The following GLB1 variants were observed in gnomAD, a reference collection of about 807,000 sequenced individuals.
The protein encoded by GLB1 is galactosidase beta 1.
A neutral mutation model predicts 74.0 loss-of-function variants in GLB1; 56 were observed. The ratio of observed to expected loss-of-function variants is 0.76; its 90% CI spans 0.61 to 0.94. The LOEUF (loss-of-function observed/expected upper bound fraction) is 0.94. Ranked by LOEUF, GLB1 falls within the 40% of genes least tolerant of loss-of-function variation. GLB1 has a pLI of 0.00. For missense variants in GLB1, 787 were observed against 845.5 expected, an observed-to-expected ratio of 0.93 and a Z score of 0.86; for synonymous variants, 323 against 323.6, an observed-to-expected ratio of 1.00 and a Z score of 0.02.
At chr3:32,966,742 C>T in the GLB1 span, among the ~76,000 whole-genome samples, 160 of 152,208 alleles carry the variant, frequency 1.1e-3, 2 homozygotes, top group African/African-American at 3.7e-3. Context: ...GGGAGGGACC[C>T]GGTGGGAGGT....
chr3:33,013,930 T>C (rs1047611129), intron 15 of GLB1, 126 bp downstream of exon 15: 5 of 1,531,160 alleles, frequency 3.3e-6, no homozygotes, highest in African/African-American at 2.7e-5. Context: ...TCCTGAAGAA[T>C]GTCCGAAACG....
At chr3:33,007,386 T>C (rs991715245) in intron 15 of GLB1, among the ~76,000 whole-genome samples, 1 of 152,258 alleles carries the variant, frequency 6.6e-6, no homozygotes, top group African/African-American at 2.4e-5. Flanking sequence ...CTCTTTTCCC[T>C]GCTCTAGGCA....
chr3:33,096,404 C>T (rs528169861), intron 1 of GLB1: 5 of 968,770 alleles, frequency 5.2e-6, no homozygotes, highest in East Asian at 2.3e-4. Context: ...CTATTCCCCC[C>T]CTCAACCTGG....
chr3:33,021,418 G>C, intron 12 of GLB1, 148 bp downstream of exon 12: 3 of 891,590 alleles, frequency 3.4e-6, no homozygotes, highest in Non-Finnish European at 5.3e-6. Context: ...GCTAAAGAGA[G>C]CCTGGAAATT....
chr3:33,042,370 C>CTTTTTTCT (rs1553609329), intron 10 of GLB1, among the ~76,000 whole-genome samples: 14 of 99,240 alleles, frequency 1.4e-4, no homozygotes, highest in African/African-American at 4.8e-4. Flanking sequence ...TCATCTCCTC[C>CTTTTTTCT]TTTTTTTTTT....
downstream of GLB1, among the ~76,000 whole-genome samples, chr3:32,994,834 T>C (rs1426371499): frequency 6.7e-6 from 1 of 149,882 alleles, no homozygotes; most frequent in Non-Finnish European, 1.5e-5. Context: ...GGCAGGAGAA[T>C]CGCTTGAACC....
At chr3:33,051,660 A>C in intron 9 of GLB1, 98 bp downstream of exon 9, 2 of 1,567,788 alleles carry the variant, frequency 1.3e-6, no homozygotes, top group Non-Finnish European at 1.7e-6. Context: ...GGATAAACAA[A>C]AAAAGGAAAA....
intron 10 of GLB1, among the ~76,000 whole-genome samples, chr3:33,028,994 A>G (rs956512578): frequency 6.6e-6 from 1 of 151,904 alleles, no homozygotes; most frequent in Non-Finnish European, 1.5e-5. Flanking sequence ...GTAGATCTTG[A>G]TATTCTGATC....
chr3:33,028,662 A>C lies in GLB1; in HGVS notation c.1069-4337T>G, dbSNP rs9858992. ...CCATACTTGCTTATGTCATTTACCC[A>C]AAAATTTTTTTTTTTTTTTTGATAC... On this transcript the variant is annotated intron_variant, in intron 10 of 15. Transcript: ENST00000307363. Among the ~76,000 whole-genome samples, 521 of 146,254 alleles carry C rather than the reference A, an allele frequency of 3.6e-3. 3 individuals carry two copies. The highest frequency in any genetic ancestry group is 0.013 in the African/African-American group (499 of 39,550).
Position 33,078,038 on chromosome 3 carries a change from TTCAAG to T in GLB1, c.76-5330_76-5326del, listed in dbSNP as rs575315853. Among the ~76,000 whole-genome samples, 61 of 152,268 alleles carry T rather than the reference TTCAAG, an allele frequency of 4.0e-4. No individual in the cohort carries two copies. In the Middle Eastern group the frequency reaches 0.01, roughly 25 times the overall value. Reference sequence around the variant, plus strand: ...AAAAGGAATCCTAGATAGTTTTTCCTTCAAGTCAAGAAGCTTGTTGTTTAAACTTC... The same window carrying T: ...AAAAGGAATCCTAGATAGTTTTTCCTTCAAGAAGCTTGTTGTTTAAACTTC... On this transcript the variant is annotated intron_variant, in intron 1 of 15. Coordinates refer to ENST00000307363, the MANE Select transcript of GLB1 (RefSeq NM_000404.4).
intron 1 of GLB1, among the ~76,000 whole-genome samples, chr3:33,085,048 G>A (rs1446201795): frequency 2.0e-5 from 3 of 152,036 alleles, no homozygotes; most frequent in African/African-American, 2.4e-5. Context: ...AGGCTGAGGC[G>A]GGTGGATGGC....
intron 10 of GLB1, among the ~76,000 whole-genome samples, chr3:33,029,091 TTGA>T (rs1697898632): frequency 6.6e-6 from 1 of 152,250 alleles, no homozygotes; most frequent in South Asian, 2.1e-4. Context: ...CATTTTAATA[TTGA>T]TGATTTTCAT....
chr3:32,996,280 C>T (rs957941206), downstream of GLB1, among the ~76,000 whole-genome samples: 8 of 152,218 alleles, frequency 5.3e-5, no homozygotes, highest in South Asian at 2.1e-4. Context: ...CACACACACA[C>T]GTGCATGCCT....
At chr3:32,967,026 C>T in the GLB1 span, among the ~76,000 whole-genome samples, 2 of 152,156 alleles carry the variant, frequency 1.3e-5, no homozygotes, top group Non-Finnish European at 2.9e-5. Flanking sequence ...TAATACAATA[C>T]TTAATGGTGC....
chr3:33,041,872 T>C (rs1305477687), intron 10 of GLB1, among the ~76,000 whole-genome samples: 2 of 152,070 alleles, frequency 1.3e-5, no homozygotes, highest in Non-Finnish European at 2.9e-5. Context: ...TGTGCATTCA[T>C]ATATCCACTG....
chr3:33,063,306 T>C (rs1343069187), intron 5 of GLB1, among the ~76,000 whole-genome samples: 2 of 152,230 alleles, frequency 1.3e-5, no homozygotes, highest in Non-Finnish European at 2.9e-5. Flanking sequence ...AGAGCTTTGC[T>C]ATGGCTCCTG....
intron 5 of GLB1, among the ~76,000 whole-genome samples, chr3:33,059,212 T>TA (rs957692999): frequency 1.3e-5 from 2 of 148,264 alleles, no homozygotes; most frequent in Non-Finnish European, 3.0e-5. Context: ...GCTTTGGGGA[T>TA]AAAAAAAATT....
At chr3:32,997,396 G>A (rs1393780011) in intron 15 of GLB1, 52 bp from the exon 16 acceptor site, 3 of 1,607,516 alleles carry the variant, frequency 1.9e-6, no homozygotes, top group Non-Finnish European at 1.7e-6. Context: ...CGAAAGCCCT[G>A]AGGAAGGTGG....
chr3:32,966,161 A>G, the GLB1 span, among the ~76,000 whole-genome samples: 1 of 152,170 alleles, frequency 6.6e-6, no homozygotes, highest in Admixed American at 6.5e-5. Context: ...TGGTAGATCC[A>G]CCAACAGCTT....
Sources: allele counts gnomAD v4.1 joint callset (sites outside exome capture counted in the v4.1 genomes callset), GRCh38; gene constraint gnomAD v4.1.1; transcripts MANE v1.5; gene names NCBI Gene and HGNC (gene_info 2026-07-23, HGNC 2026-07-21).